The following GALNT13 variants were observed in gnomAD, a reference collection of about 807,000 sequenced individuals.
GALNT13 encodes polypeptide N-acetylgalactosaminyltransferase 13.
Under a neutral mutation model 64.2 loss-of-function variants are expected in GALNT13, and 28 were observed. The ratio of observed to expected loss-of-function variants is 0.44; its 90% CI spans 0.32 to 0.60. GALNT13 has a LOEUF of 0.60. GALNT13 is among the 20% of genes least tolerant of loss of function. GALNT13 has a pLI of 0.05. For missense variants in GALNT13, 577 were observed against 669.8 expected (o/e 0.86, Z 1.53); for synonymous variants, 214 against 224.6 (o/e 0.95, Z 0.42).
the GALNT13 span, among the ~76,000 whole-genome samples, chr2:153,230,515 G>A: frequency 6.6e-6 from 1 of 152,096 alleles, no homozygotes; most frequent in Non-Finnish European, 1.5e-5. Context: ...GCTTTGAAAT[G>A]GAGGAACCCC....
chr2:153,145,228 T>C, the GALNT13 span, among the ~76,000 whole-genome samples: 2 of 151,918 alleles, frequency 1.3e-5, no homozygotes, highest in Non-Finnish European at 2.9e-5. Context: ...ATTTGAAAGG[T>C]AGGATGCAAT....
chr2:153,826,826 AG>A, the GALNT13 span, among the ~76,000 whole-genome samples: 2 of 152,098 alleles, frequency 1.3e-5, no homozygotes, highest in African/African-American at 4.8e-5. Context: ...CTAATGCAAA[AG>A]TTGGGGATAC....
intron 1 of GALNT13, among the ~76,000 whole-genome samples, chr2:153,877,858 T>C (rs1030227069): frequency 6.6e-6 from 1 of 152,232 alleles, no homozygotes; most frequent in African/African-American, 2.4e-5. Flanking sequence ...TTTGTATTTG[T>C]ACTGTGGTAA....
the GALNT13 span, among the ~76,000 whole-genome samples, chr2:153,334,728 AGTCT>A: frequency 6.6e-6 from 1 of 152,216 alleles, no homozygotes; most frequent in Non-Finnish European, 1.5e-5. Context: ...AAAATGTGAT[AGTCT>A]GTCTGAAATA....
chr2:153,597,668 A>G, the GALNT13 span, among the ~76,000 whole-genome samples: 1 of 152,098 alleles, frequency 6.6e-6, no homozygotes. Flanking sequence ...GCTGCAAATG[A>G]TACTATCAAG....
chr2:153,975,163 C>A (rs1385760612), intron 3 of GALNT13, among the ~76,000 whole-genome samples: 2 of 151,802 alleles, frequency 1.3e-5, no homozygotes, highest in African/African-American at 4.8e-5. Context: ...GTTTTTTAAC[C>A]CTCATTATTA....
At chr2:153,362,553 C>CAAAAAAAAAAAAAAAA in the GALNT13 span, among the ~76,000 whole-genome samples, 1 of 80,320 alleles carries the variant, frequency 1.2e-5, no homozygotes. Flanking sequence ...AAATGGAGAG[C>CAAAAAAAAAAAAAAAA]AAAAAAAAAA....
the GALNT13 span, among the ~76,000 whole-genome samples, chr2:153,530,122 A>G: frequency 1.3e-5 from 2 of 152,148 alleles, no homozygotes; most frequent in Admixed American, 6.5e-5. Flanking sequence ...CCATGTTTGC[A>G]GATATGATAT....
At chr2:154,097,883 A>G (rs1702151893) in intron 3 of GALNT13, among the ~76,000 whole-genome samples, 1 of 151,976 alleles carries the variant, frequency 6.6e-6, no homozygotes, top group South Asian at 2.1e-4. Flanking sequence ...TTTCTTTACC[A>G]TGTGTAATTT....
At chr2:153,277,681 G>A in the GALNT13 span, among the ~76,000 whole-genome samples, 3 of 151,874 alleles carry the variant, frequency 2.0e-5, no homozygotes, top group African/African-American at 7.3e-5. Context: ...ACTGTATAAG[G>A]ATTTCCTTTT....
At chr2:153,945,733 G>T (rs1335682251) in intron 3 of GALNT13, among the ~76,000 whole-genome samples, 1 of 152,106 alleles carries the variant, frequency 6.6e-6, no homozygotes, top group African/African-American at 2.4e-5. Context: ...TTTGTTCAAA[G>T]AGTACTTTAG....
intron 4 of GALNT13, among the ~76,000 whole-genome samples, chr2:154,166,510 C>T (rs1024968383): frequency 2.0e-5 from 3 of 152,190 alleles, no homozygotes; most frequent in Non-Finnish European, 2.9e-5. Flanking sequence ...GAAATAGGAA[C>T]ACTTTTACAC....
At chr2:154,190,330 AAT>A (rs1201915176) in intron 4 of GALNT13, among the ~76,000 whole-genome samples, 1 of 152,202 alleles carries the variant, frequency 6.6e-6, no homozygotes, top group Non-Finnish European at 1.5e-5. Context: ...CACTGAGGAA[AAT>A]ATGTCTCTGT....
chr2:154,059,997 G>A (rs1284484956), intron 3 of GALNT13, among the ~76,000 whole-genome samples: 1 of 152,128 alleles, frequency 6.6e-6, no homozygotes. Context: ...TGGAGATGGG[G>A]GTTTTGGAAG....
chr2:153,258,699 G>C, the GALNT13 span, among the ~76,000 whole-genome samples: 1 of 151,504 alleles, frequency 6.6e-6, no homozygotes, highest in East Asian at 1.9e-4. Context: ...CATTTTCTTT[G>C]TAATTTCTTC....
chr2:154,183,322 T>A (rs1686066125), intron 4 of GALNT13, among the ~76,000 whole-genome samples: 1 of 152,218 alleles, frequency 6.6e-6, no homozygotes, highest in Non-Finnish European at 1.5e-5. Context: ...TAACTGTTCA[T>A]AGTAGTTTCT....
chr2:153,769,694 T>C, the GALNT13 span, among the ~76,000 whole-genome samples: 3 of 152,208 alleles, frequency 2.0e-5, no homozygotes. Context: ...TTTACTTTTT[T>C]CTTCCTCTCC....
chr2:153,594,231 A>T, the GALNT13 span, among the ~76,000 whole-genome samples: 5 of 151,944 alleles, frequency 3.3e-5, no homozygotes, highest in African/African-American at 1.2e-4. Context: ...TCCCATTATA[A>T]GCCACAATTT....
At chr2:154,033,758 T>A (rs570566688) in intron 3 of GALNT13, among the ~76,000 whole-genome samples, 2 of 152,064 alleles carry the variant, frequency 1.3e-5, no homozygotes, top group Non-Finnish European at 2.9e-5. Context: ...GCCAATATAG[T>A]GAAACCCCAT....
Sources: gnomAD v4.1 joint callset for allele counts (sites outside exome capture counted in the v4.1 genomes callset) on GRCh38, gnomAD v4.1.1 for gene constraint, MANE v1.5 for transcripts, NCBI Gene and HGNC (gene_info 2026-07-23, HGNC 2026-07-21) for gene names.